CTTNBP2: variants seen among roughly 807,000 people sequenced by gnomAD.
CTTNBP2 encodes the protein cortactin binding protein 2.
CTTNBP2 carries 108 observed loss-of-function variants against 156.9 expected under a neutral mutation model. The observed-to-expected ratio is 0.69, with a 90% CI of 0.59 to 0.81. The LOEUF is 0.81. CTTNBP2 is among the 30% of genes least tolerant of loss of function. The probability of loss-of-function intolerance (pLI) is 0.00; values close to 1 mark genes in which losing one functional copy is unlikely to be tolerated. For missense variants in CTTNBP2, 1,924 were observed against 2,035.4 expected (o/e 0.95, Z 1.05); for synonymous variants, 767 against 751.8 (o/e 1.02, Z -0.33).
chr7:117,784,580 C>T, intron 4 of CTTNBP2, 126 bp from the exon 5 acceptor site: 2 of 585,916 alleles, frequency 3.4e-6, no homozygotes, highest in African/African-American at 1.9e-5. Flanking sequence ...TATGTGGTTT[C>T]TAACATTATC....
At chr7:117,863,740 AGGCAGGCGATTGTT>A (rs1396993486) in intron 1 of CTTNBP2, among the ~76,000 whole-genome samples, 1 of 152,252 alleles carries the variant, frequency 6.6e-6, no homozygotes, top group African/African-American at 2.4e-5. Context: ...TGCCAAATGA[AGGCAGGCGATTGTT>A]ATTATTAACC....
chr7:117,760,365 G>T, intron 10 of CTTNBP2, 70 bp downstream of exon 10: 1 of 1,466,270 alleles, frequency 6.8e-7, no homozygotes, highest in Non-Finnish European at 9.4e-7. Flanking sequence ...CTAAGAATCA[G>T]GTTATGAAAC....
chr7:117,785,589 G>A (rs1264159260), intron 4 of CTTNBP2, among the ~76,000 whole-genome samples: 1 of 152,128 alleles, frequency 6.6e-6, no homozygotes, highest in Non-Finnish European at 1.5e-5. Flanking sequence ...ATTCTAAATA[G>A]TGTTTCACAA....
intron 11 of CTTNBP2, among the ~76,000 whole-genome samples, chr7:117,757,591 C>G (rs943510808): frequency 6.7e-6 from 1 of 148,494 alleles, no homozygotes. Flanking sequence ...ACTCTCTTAT[C>G]AGCATGCCAG....
At chr7:117,732,826 A>C (rs576355833) in intron 16 of CTTNBP2, among the ~76,000 whole-genome samples, 25 of 152,220 alleles carry the variant, frequency 1.6e-4, no homozygotes, top group Admixed American at 5.9e-4. Flanking sequence ...AAAACAAAAA[A>C]ATGATTCTGT....
intron 2 of CTTNBP2, among the ~76,000 whole-genome samples, chr7:117,827,919 TG>T (rs1256218317): frequency 2.0e-5 from 3 of 152,124 alleles, no homozygotes; most frequent in Non-Finnish European, 4.4e-5. Flanking sequence ...GAGCGAATGG[TG>T]GGGGCAGTTG....
Position 117,792,686 on chromosome 7 carries a change from C to T in CTTNBP2, c.510G>A (p.Val170=), listed in dbSNP as rs763939101. ...TGCACTCTTTGACCAGCATCAGGAC[C>T]ACCTGCTTGTTCTTGCCACGCTCTT... is the stretch of plus-strand genomic sequence containing the variant. ...LEEERGKNKQ[V]VLMLVKECKQ... Residue 170 remains valine (V), a synonymous_variant, in exon 4 of 23, where the codon GTG becomes GTA. Coordinates refer to ENST00000160373, the MANE Select transcript of CTTNBP2 (RefSeq NM_033427.3). This position sits in a 1 kb window ranked among gnomAD's most constrained non-coding sequence, Gnocchi z 4.2. The T allele has an allele frequency of 6.2e-7, 1 of 1,613,936 alleles. No individual in the cohort carries two copies. Among genetic ancestry groups the T allele is most frequent in the Non-Finnish European group, 8.5e-7 (1 of 1,179,946 alleles).
At chr7:117,821,328 GTTT>G (rs924632813) in intron 2 of CTTNBP2, among the ~76,000 whole-genome samples, 1 of 149,108 alleles carries the variant, frequency 6.7e-6, no homozygotes, top group African/African-American at 2.5e-5. Context: ...TGGCTGTGTG[GTTT>G]TTTTTTTGTT....
chr7:117,772,092 C>A (rs554999182), intron 8 of CTTNBP2, among the ~76,000 whole-genome samples: 1 of 152,264 alleles, frequency 6.6e-6, no homozygotes, highest in East Asian at 1.9e-4. Context: ...GATAGGCATC[C>A]CTGCCCTGGC....
Position 117,783,199 on chromosome 7 carries a change from G to A in CTTNBP2, c.2273-238C>T, listed in dbSNP as rs989796543. Among the ~76,000 whole-genome samples the A allele has an allele frequency of 2.3e-4, 35 of 152,172 alleles. 1 individual carries two copies. Among genetic ancestry groups the A allele is most frequent in the African/African-American group, 7.2e-4 (30 of 41,496 alleles). On this transcript the variant is annotated intron_variant, in intron 5 of 22. Coordinates refer to ENST00000160373, the MANE Select transcript of CTTNBP2 (RefSeq NM_033427.3). ...AAGATGCGTGTGTGTGTGTGCATGC[G>A]CATGTGCCCATGCGTGTGTGCATTT... is the stretch of plus-strand genomic sequence containing the variant.
At chr7:117,833,007 G>A (rs150335364) in intron 2 of CTTNBP2, among the ~76,000 whole-genome samples, 3,680 of 151,642 alleles carry the variant, frequency 0.024, 162 homozygotes, top group African/African-American at 0.085. Flanking sequence ...CACCCACCTC[G>A]GCCTCCCAAA....
intron 2 of CTTNBP2, among the ~76,000 whole-genome samples, chr7:117,829,808 GA>G (rs1439710411): frequency 2.6e-5 from 4 of 152,214 alleles, no homozygotes; most frequent in Admixed American, 2.6e-4. Context: ...GAGTATATAT[GA>G]GGCATCCTGA....
At chr7:117,779,666 T>A (rs1273200227) in intron 7 of CTTNBP2, among the ~76,000 whole-genome samples, 1 of 151,676 alleles carries the variant, frequency 6.6e-6, no homozygotes, top group African/African-American at 2.4e-5. Flanking sequence ...GAAGTTTTTT[T>A]AAGAAAAAAA....
chr7:117,828,030 G>A (rs1801389220), intron 2 of CTTNBP2, among the ~76,000 whole-genome samples: 2 of 152,050 alleles, frequency 1.3e-5, no homozygotes, highest in African/African-American at 4.8e-5. Context: ...CTGAGCATCT[G>A]GAAAAAATAA....
chr7:117,865,099 A>T (rs985670472), intron 1 of CTTNBP2, among the ~76,000 whole-genome samples: 5 of 151,666 alleles, frequency 3.3e-5, no homozygotes, highest in African/African-American at 1.2e-4. Flanking sequence ...TTTAAGTCAT[A>T]TAATGTTTAT....
intron 8 of CTTNBP2, among the ~76,000 whole-genome samples, chr7:117,772,865 G>A (rs1797867510): frequency 1.3e-5 from 2 of 152,168 alleles, no homozygotes; most frequent in African/African-American, 4.8e-5. Flanking sequence ...TTGGATGAGA[G>A]GTGGAGCACG....
chr7:117,756,217 C>T, intron 12 of CTTNBP2, among the ~76,000 whole-genome samples: 1 of 152,208 alleles, frequency 6.6e-6, no homozygotes, highest in East Asian at 1.9e-4. Context: ...TATAGTAAGG[C>T]ATCTTGATAT....
chr7:117,867,123 C>T (rs181506571), intron 1 of CTTNBP2, among the ~76,000 whole-genome samples: 23 of 152,330 alleles, frequency 1.5e-4, no homozygotes, highest in Admixed American at 1.4e-3. Flanking sequence ...AAAGTACATA[C>T]TTCTCAAGAT....
At chr7:117,712,628 A>G (rs1794121254) in intron 22 of CTTNBP2, among the ~76,000 whole-genome samples, 1 of 152,222 alleles carries the variant, frequency 6.6e-6, no homozygotes, top group South Asian at 2.1e-4. Context: ...CAATATAACC[A>G]TTACAAGAAT....
Sources: allele counts gnomAD v4.1 joint callset (sites outside exome capture counted in the v4.1 genomes callset), GRCh38; gene constraint gnomAD v4.1.1; non-coding constraint Gnocchi (gnomAD v3.1); transcripts MANE v1.5; gene names NCBI Gene and HGNC (gene_info 2026-07-23, HGNC 2026-07-21).